Variants in POTEE observed in about 807,000 individuals in gnomAD.
POTEE encodes the protein POTE ankyrin domain family member E, also known as ANKRD26-like family C member 1A.
POTEE carries 21 observed loss-of-function variants against 74.2 expected under a neutral mutation model. The observed-to-expected ratio is 0.28, with a 90% CI of 0.20 to 0.41. The LOEUF (loss-of-function observed/expected upper bound fraction) is 0.41. Ranked by LOEUF, POTEE falls within the 10% of genes least tolerant of loss-of-function variation. The pLI, the probability that POTEE is intolerant of heterozygous loss-of-function variation, is 1.00. For missense variants in POTEE, 525 were observed against 1,158.6 expected, an observed-to-expected ratio of 0.45 and a Z score of 7.94; for synonymous variants, 211 against 432.8, an observed-to-expected ratio of 0.49 and a Z score of 6.36.
chr2:131,225,500 A>G (rs1288128914), intron 6 of POTEE, among the ~76,000 whole-genome samples: 4 of 146,902 alleles, frequency 2.7e-5, no homozygotes, highest in African/African-American at 7.5e-5. Flanking sequence ...AACTTAAGGT[A>G]TCTCTAGAAG....
intron 4 of POTEE, among the ~76,000 whole-genome samples, chr2:131,222,642 C>T (rs1446662688): frequency 6.6e-6 from 1 of 152,002 alleles, no homozygotes; most frequent in Non-Finnish European, 1.5e-5. Context: ...AGTCTTAAAT[C>T]CTAATATGAA....
chr2:131,228,643 G>GT (rs1161715837), intron 8 of POTEE, among the ~76,000 whole-genome samples: 3 of 147,232 alleles, frequency 2.0e-5, no homozygotes, highest in African/African-American at 5.4e-5. Context: ...TGATCCAAGT[G>GT]TAACACCTAT....
chr2:131,230,968 C>T, intron 9 of POTEE, 62 bp downstream of exon 9: 1 of 1,522,160 alleles, frequency 6.6e-7, no homozygotes, highest in Non-Finnish European at 8.9e-7. Flanking sequence ...ACACCAGGGA[C>T]CGGTTTTGTG....
At position 131,218,825 on chromosome 2, in the gene POTEE, C is replaced by CA; in HGVS notation, c.425dup (p.Leu143AlafsTer9). The CA allele has an allele frequency of 1.2e-6, 2 of 1,612,788 alleles. No individual in the cohort carries two copies. Among genetic ancestry groups the CA allele is most frequent in the Middle Eastern group, 2.0e-4 (1 of 5,054 alleles). On this transcript the variant is annotated frameshift_variant, in exon 4 of 18. Transcript: ENST00000683005. LOFTEE classifies it high-confidence loss of function. Reference sequence around the variant, plus strand: ...ACCACGTCCGTGGAGAAGATCTGGACAAGCTCCACAGAGCTGCCTGGTGGG... The same window carrying CA: ...ACCACGTCCGTGGAGAAGATCTGGACAAAGCTCCACAGAGCTGCCTGGTGGG...
intron 2 of POTEE, among the ~76,000 whole-genome samples, chr2:131,211,716 C>T (rs1700364097): frequency 6.6e-6 from 1 of 151,200 alleles, no homozygotes; most frequent in Non-Finnish European, 1.5e-5. Flanking sequence ...CCACGCCCAG[C>T]CAATTTTATT....
rs1172435370 is a variant in POTEE, at chr2:131,224,171, C to G, written c.810+128C>G. ...CTGAATGAAAATATTTTGAAATGACCTAATTATCTAAGACTTCATTTTAAA... is the reference window on the plus strand; with the variant it reads ...CTGAATGAAAATATTTTGAAATGACGTAATTATCTAAGACTTCATTTTAAA... On this transcript the variant is annotated intron_variant, in intron 6 of 17. Transcript: ENST00000683005. The G allele has an allele frequency of 6.8e-6, 9 of 1,329,172 alleles. No individual in the cohort carries two copies. The East Asian group carries it at 2.3e-4, about 33-fold the overall frequency. 82.3% of individuals were successfully genotyped at this position (1,329,172 alleles called of 1,614,324 possible).
chr2:131,218,546 C>G lies in POTEE; in HGVS notation c.144C>G (p.Asp48Glu), dbSNP rs750000227. 6.2e-7 allele frequency: 1 copy of G among 1,612,656 alleles called. No individual in the cohort carries two copies. Among genetic ancestry groups the G allele is most frequent in the African/African-American group, 1.3e-5 (1 of 74,116 alleles). ...AGAGCAACGTGGGCACTTCTGGAGA[C>G]CACGACGACTCTGCTATGAAGACAC... ...SGKSNVGTSG[D>E]HDDSAMKTLR... Residue 48 changes from aspartate (D) to glutamate (E), a missense_variant, in exon 4 of 18, where the codon GAC (aspartate) becomes GAG (glutamate). Transcript: ENST00000683005.
intron 10 of POTEE, among the ~76,000 whole-genome samples, chr2:131,237,901 A>G (rs1354089168): frequency 6.6e-6 from 1 of 152,288 alleles, no homozygotes; most frequent in East Asian, 1.9e-4. Flanking sequence ...ATGGTGACCA[A>G]ATTAAGTTTG....
At chr2:131,221,821 T>A (rs570089089) in intron 4 of POTEE, among the ~76,000 whole-genome samples, 2 of 152,264 alleles carry the variant, frequency 1.3e-5, no homozygotes, top group African/African-American at 4.8e-5. Flanking sequence ...TTATTACTAT[T>A]GCAAATGTAT....
Position 131,218,573 on chromosome 2 carries a change from C to T in POTEE, c.171C>T (p.Leu57=). The T allele has an allele frequency of 6.2e-7, 1 of 1,612,724 alleles. No homozygotes were observed. The highest frequency in any genetic ancestry group is 1.1e-5 in the South Asian group (1 of 91,010). Residue 57 remains leucine (L), a synonymous_variant, in exon 4 of 18, where the codon CTC becomes CTT. Coordinates refer to ENST00000683005, the MANE Select transcript of POTEE (RefSeq NM_001083538.3). ...GDHDDSAMKT[L]RSKMGKWCHH... Reference sequence around the variant, plus strand: ...ACGACGACTCTGCTATGAAGACACTCAGGAGCAAGATGGGCAAGTGGTGCC... The same window carrying T: ...ACGACGACTCTGCTATGAAGACACTTAGGAGCAAGATGGGCAAGTGGTGCC...
At chr2:131,228,215 T>C (rs1573710466) in intron 7 of POTEE, 29 bp from the exon 8 acceptor site, 1 of 1,611,316 alleles carries the variant, frequency 6.2e-7, no homozygotes, top group South Asian at 1.1e-5. Flanking sequence ...AAAATAACTT[T>C]ATTACAGTTC....
rs1286907239 is a variant in POTEE, at chr2:131,226,220, G to A, written c.811-603G>A. Reference sequence around the variant, plus strand: ...CATGGAGTTATTAAGAATACAGATAGGAATTCTGTTAATTTAGTTTCAGTA... The same window carrying A: ...CATGGAGTTATTAAGAATACAGATAAGAATTCTGTTAATTTAGTTTCAGTA... On this transcript the variant is annotated intron_variant, in intron 6 of 17. Coordinates refer to ENST00000683005, the MANE Select transcript of POTEE (RefSeq NM_001083538.3). Among the ~76,000 whole-genome samples the A allele has an allele frequency of 2.6e-4, 38 of 148,062 alleles. 1 individual carries two copies. The highest frequency in any genetic ancestry group is 8.0e-4 in the African/African-American group (32 of 39,882).
intron 4 of POTEE, among the ~76,000 whole-genome samples, chr2:131,222,232 GA>G (rs1559172685): frequency 6.6e-6 from 1 of 152,202 alleles, no homozygotes; most frequent in Non-Finnish European, 1.5e-5. Flanking sequence ...AGCCATAAAA[GA>G]AGGAACGAGA....
chr2:131,222,987 T>C (rs1295489356), intron 4 of POTEE, among the ~76,000 whole-genome samples: 2 of 151,720 alleles, frequency 1.3e-5, no homozygotes, highest in African/African-American at 4.9e-5. Context: ...ATGCCGCAAA[T>C]TATAGTAAAT....
chr2:131,224,855 A>G (rs1219483862), intron 6 of POTEE, among the ~76,000 whole-genome samples: 2 of 152,082 alleles, frequency 1.3e-5, no homozygotes, highest in African/African-American at 2.4e-5. Flanking sequence ...TTAGTATCCT[A>G]TTCTGGTAGA....
At chr2:131,256,606 C>G (rs1216121247) in intron 16 of POTEE, among the ~76,000 whole-genome samples, 1 of 88,900 alleles carries the variant, frequency 1.1e-5, no homozygotes, top group Non-Finnish European at 2.3e-5. Context: ...CACCTCTGCA[C>G]TTAGCAGTTC....
intron 16 of POTEE, among the ~76,000 whole-genome samples, chr2:131,260,192 AG>A (rs1701668861): frequency 6.7e-6 from 1 of 149,538 alleles, no homozygotes; most frequent in Admixed American, 6.6e-5. Context: ...TTTTTATACG[AG>A]TACCACGCTG....
At position 131,264,124 on chromosome 2, in the gene POTEE, T is replaced by C; in HGVS notation, c.2669T>C (p.Met890Thr). The change falls in exon 18 of 18, where the codon ATG becomes ACG. Residue 890 changes from methionine (M) to threonine (T), a missense_variant. By Grantham distance (81) the Met-to-Thr change is moderately conservative. Coordinates refer to ENST00000683005, the MANE Select transcript of POTEE (RefSeq NM_001083538.3). ...LAGRELPDYL[M>T]KILTERGYRF... Reference sequence around the variant, plus strand: ...GGGCGGGAACTGCCTGACTACCTCATGAAGATCCTCACCGAGCGTGGCTAT... The same window carrying C: ...GGGCGGGAACTGCCTGACTACCTCACGAAGATCCTCACCGAGCGTGGCTAT... The C allele has an allele frequency of 6.2e-7, 1 of 1,614,286 alleles. No individual in the cohort carries two copies. The highest frequency in any genetic ancestry group is 1.1e-5 in the South Asian group (1 of 91,090).
chr2:131,209,927 G>T (rs1184786138), intron 1 of POTEE, among the ~76,000 whole-genome samples, 108 bp downstream of exon 1: 3 of 147,382 alleles, frequency 2.0e-5, no homozygotes, highest in Admixed American at 6.8e-5. Flanking sequence ...CTGGTTGGGG[G>T]CACTCTCCGA....
Sources: gnomAD v4.1 joint callset for allele counts (sites outside exome capture counted in the v4.1 genomes callset) on GRCh38, gnomAD v4.1.1 for gene constraint, MANE v1.5 for transcripts, NCBI Gene and HGNC (gene_info 2026-07-23, HGNC 2026-07-21) for gene names.